Variants in BIVM observed in about 807,000 individuals in gnomAD.
BIVM encodes basic, immunoglobulin-like variable motif containing.
In BIVM, 31 loss-of-function variants were observed where a neutral mutation model predicts 61.4. The ratio of observed to expected loss-of-function variants is 0.51; its 90% confidence interval spans 0.38 to 0.68. The LOEUF (loss-of-function observed/expected upper bound fraction) is 0.68, where lower values mean the gene tolerates loss of function less well. Ranked by LOEUF, BIVM falls within the 30% of genes least tolerant of loss-of-function variation. The pLI is 0.00. For synonymous variants in BIVM, 189 were observed against 210.7 expected (o/e 0.90, Z 0.89); for missense variants, 526 against 596.0 (o/e 0.88, Z 1.22).
chr13:102,818,130 G>A (rs1216519099), intron 4 of BIVM, among the ~76,000 whole-genome samples: 1 of 152,178 alleles, frequency 6.6e-6, no homozygotes, highest in Non-Finnish European at 1.5e-5. Flanking sequence ...TGAAGGGTTG[G>A]AGGGTGAAGG....
intron 1 of BIVM, among the ~76,000 whole-genome samples, chr13:102,804,533 C>T (rs1256759594): frequency 2.0e-5 from 3 of 152,150 alleles, no homozygotes; most frequent in Non-Finnish European, 1.5e-5. Flanking sequence ...AGGCTGGTCT[C>T]GAACTCTGAC....
At chr13:102,817,868 G>T (rs868465043) in intron 4 of BIVM, among the ~76,000 whole-genome samples, 1 of 152,056 alleles carries the variant, frequency 6.6e-6, no homozygotes, top group East Asian at 1.9e-4. Context: ...TGACATTTTA[G>T]AAATATATTT....
chr13:102,810,278 A>C (rs1200633370), intron 3 of BIVM, among the ~76,000 whole-genome samples: 2 of 152,060 alleles, frequency 1.3e-5, no homozygotes, highest in Non-Finnish European at 2.9e-5. Flanking sequence ...TCTGGGTGCT[A>C]TTTGCTTTGG....
intron 3 of BIVM, among the ~76,000 whole-genome samples, chr13:102,815,487 A>G (rs987161404): frequency 2.0e-5 from 3 of 152,300 alleles, no homozygotes; most frequent in African/African-American, 7.2e-5. Context: ...TACTTCACTA[A>G]CGATTTAGAA....
At chr13:102,838,538 T>A in intron 9 of BIVM, 105 bp from the exon 10 acceptor site, 1 of 857,782 alleles carries the variant, frequency 1.2e-6, no homozygotes, top group Admixed American at 3.0e-5. Context: ...TTACTGCCAA[T>A]TATTGCTGTG....
chr13:102,817,184 G>A (rs900494131), intron 4 of BIVM, among the ~76,000 whole-genome samples: 2 of 152,050 alleles, frequency 1.3e-5, no homozygotes, highest in Non-Finnish European at 2.9e-5. Flanking sequence ...TATTTTAATC[G>A]ACAAATGAGA....
In BIVM at chr13:102,840,070, A is replaced by AT; in HGVS notation, c.*207dup. ...ATATATAAGCAGATAAGCACAGATT[A>AT]TTGTCCTTTCAAGTTAAGAGTATAT... is the stretch of plus-strand genomic sequence containing the variant. On this transcript the variant is annotated 3_prime_UTR_variant, in exon 11 of 11. Transcript: ENST00000257336. 2.1e-6 allele frequency: 1 copy of AT among 484,542 alleles called. No individual in the cohort carries two copies. The highest frequency in any genetic ancestry group is 3.5e-6 in the Non-Finnish European group (1 of 285,214). The allele number at this position is 484,542 out of a possible 1,614,324, so 30.0% of individuals were successfully genotyped here.
chr13:102,830,290 G>T (rs1015143433), intron 7 of BIVM, among the ~76,000 whole-genome samples: 2 of 152,128 alleles, frequency 1.3e-5, no homozygotes, highest in African/African-American at 4.8e-5. Context: ...TGGACCTGCT[G>T]CTCTTAGTGG....
intron 4 of BIVM, among the ~76,000 whole-genome samples, chr13:102,818,491 A>G (rs1160366437): frequency 6.6e-6 from 1 of 152,214 alleles, no homozygotes; most frequent in South Asian, 2.1e-4. Flanking sequence ...ACAAACATTC[A>G]TTTTAGTTTC....
At chr13:102,829,669 T>A (rs1262424964) in intron 7 of BIVM, among the ~76,000 whole-genome samples, 2 of 151,846 alleles carry the variant, frequency 1.3e-5, no homozygotes, top group African/African-American at 2.4e-5. Flanking sequence ...TGAAACCCCG[T>A]CTCTACTAAA....
chr13:102,804,272 GTAGCTGGGAT>G (rs1878923154), intron 1 of BIVM, among the ~76,000 whole-genome samples: 1 of 151,284 alleles, frequency 6.6e-6, no homozygotes, highest in Non-Finnish European at 1.5e-5. Flanking sequence ...AGCCTCCCGA[GTAGCTGGGAT>G]TACAGGCATG....
intron 4 of BIVM, chr13:102,820,811 CT>C (rs1415787708): frequency 2.1e-6 from 1 of 465,640 alleles, no homozygotes; most frequent in African/African-American, 2.1e-5. Flanking sequence ...ATAACATCCA[CT>C]TTAACTGGCA....
At chr13:102,820,878 T>G (rs1267283042) in intron 4 of BIVM, 159 bp from the exon 5 acceptor site, 2 of 629,982 alleles carry the variant, frequency 3.2e-6, no homozygotes, top group Non-Finnish European at 5.3e-6. Flanking sequence ...TATTTTATAT[T>G]TATGACATGA....
intron 4 of BIVM, among the ~76,000 whole-genome samples, chr13:102,818,736 A>C (rs945914346): frequency 2.6e-5 from 4 of 152,192 alleles, no homozygotes; most frequent in African/African-American, 9.7e-5. Flanking sequence ...CCCGTAGAAG[A>C]TAGTAGAATG....
chr13:102,804,803 T>C (rs2139140612), intron 1 of BIVM, among the ~76,000 whole-genome samples: 1 of 152,288 alleles, frequency 6.6e-6, no homozygotes, highest in African/African-American at 2.4e-5. Context: ...GCTTTAAAAG[T>C]AAAGAAAATG....
intron 9 of BIVM, among the ~76,000 whole-genome samples, chr13:102,835,326 G>C (rs540446609): frequency 1.3e-5 from 2 of 152,168 alleles, no homozygotes; most frequent in Non-Finnish European, 2.9e-5. Flanking sequence ...ACGAGATCCT[G>C]CCTCAAAAAA....
At chr13:102,800,854 T>TA (rs1383422223) in intron 1 of BIVM, 1 of 152,242 alleles carries the variant, frequency 6.6e-6, no homozygotes, top group African/African-American at 2.4e-5. Context: ...ATTCGACCCT[T>TA]ACGAGGTCAC....
chr13:102,809,770 T>G (rs542197781), intron 3 of BIVM, among the ~76,000 whole-genome samples: 1 of 144,508 alleles, frequency 6.9e-6, no homozygotes, highest in South Asian at 2.2e-4. Context: ...CCAAATCTCT[T>G]TCCTTTTCTT....
chr13:102,800,965 G>A (rs1865994417), intron 1 of BIVM, among the ~76,000 whole-genome samples: 1 of 152,186 alleles, frequency 6.6e-6, no homozygotes, highest in Admixed American at 6.5e-5. Context: ...GAGATGTTTG[G>A]TTCTCTCATA....
Sources: gnomAD v4.1 joint callset for allele counts (sites outside exome capture counted in the v4.1 genomes callset) on GRCh38, gnomAD v4.1.1 for gene constraint, MANE v1.5 for transcripts, NCBI Gene and HGNC (gene_info 2026-07-23, HGNC 2026-07-21) for gene names.